The following PMPCB variants were observed in gnomAD, a reference collection of about 807,000 sequenced individuals.
PMPCB encodes mitochondrial-processing peptidase subunit beta.
A neutral mutation model predicts 61.5 loss-of-function variants in PMPCB; 46 were observed. The ratio of observed to expected loss-of-function variants is 0.75; its 90% CI spans 0.59 to 0.96. PMPCB has a LOEUF of 0.96. PMPCB is among the 40% of genes least tolerant of loss of function. The pLI, the probability that PMPCB is intolerant of heterozygous loss-of-function variation, is 0.00. For missense variants in PMPCB, 590 were observed against 602.4 expected (o/e 0.98, Z 0.22); for synonymous variants, 191 against 201.6 (o/e 0.95, Z 0.44).
intron 7 of PMPCB, among the ~76,000 whole-genome samples, chr7:103,308,164 G>C (rs1252026241): frequency 6.6e-6 from 1 of 152,182 alleles, no homozygotes; most frequent in African/African-American, 2.4e-5. Flanking sequence ...GGATCTACTA[G>C]TTATCAACTA....
At position 103,312,782 on chromosome 7, in the gene PMPCB, A is replaced by G. The variant is rs1817822678; in HGVS notation, c.*511A>G. The G allele has an allele frequency of 6.6e-7, 1 of 1,511,232 alleles. No individual in the cohort carries two copies. Among genetic ancestry groups the G allele is most frequent in the Non-Finnish European group, 8.8e-7 (1 of 1,138,364 alleles). The allele number at this position is 1,511,232 out of a possible 1,614,324, so 93.6% of individuals were successfully genotyped here. A position where few individuals can be genotyped will look rare whatever the true frequency, so the allele number is the denominator to read the frequency against. ...GATTTCATTATCTGCCAGGGCCTAG[A>G]AAGTTTCTAAGGTTGCTCATTTCTT... On this transcript the variant is annotated 3_prime_UTR_variant, in exon 13 of 13. Transcript: ENST00000249269.
Position 103,314,636 on chromosome 7 carries a change from C to G in PMPCB, c.*2365C>G. 4.1e-6 allele frequency: 4 copies of G among 985,292 alleles called. No individual in the cohort carries two copies. Among genetic ancestry groups the G allele is most frequent in the Non-Finnish European group, 3.6e-6 (3 of 829,874 alleles). The allele number at this position is 985,292 out of a possible 1,614,324, so 61.0% of individuals were successfully genotyped here. A position where few individuals can be genotyped will look rare whatever the true frequency, so the allele number is the denominator to read the frequency against. On this transcript the variant is annotated 3_prime_UTR_variant, in exon 13 of 13. Transcript: ENST00000249269. ...AAGTGTCTTTCAGGTGTTCTGAAAC[C>G]CTGCCTTGTTACTTACCTTTATTAA...
At chr7:103,319,838 T>C in intron 12 of PMPCB, 1 of 1,614,098 alleles carries the variant, frequency 6.2e-7, no homozygotes, top group Non-Finnish European at 8.5e-7. Flanking sequence ...GAAAAATGAT[T>C]CCAGGTCTAA....
chr7:103,317,969 TAAG>T, downstream of PMPCB, among the ~76,000 whole-genome samples: 1 of 121,894 alleles, frequency 8.2e-6, no homozygotes, highest in African/African-American at 3.1e-5. Flanking sequence ...CTTAAATAAA[TAAG>T]ATTCTTGTAA....
chr7:103,311,619 C>G (rs748053605), intron 9 of PMPCB, 24 bp from the exon 10 acceptor site: 17 of 1,573,968 alleles, frequency 1.1e-5, no homozygotes, highest in Non-Finnish European at 1.5e-5. Context: ...TTTCCAACTA[C>G]TACTGTTTTT....
rs73175839 is a variant in PMPCB, at chr7:103,324,835, A to G, written c.*1432-4096A>G. 8.8e-3 allele frequency: 1,826 copies of G among 208,464 alleles called. 10 individuals are homozygous for G. The highest frequency in any genetic ancestry group is 0.013 in the Non-Finnish European group (1,326 of 105,828). 12.9% of individuals were successfully genotyped at this position (208,464 alleles called of 1,614,324 possible). On this transcript the variant is annotated intron_variant and NMD_transcript_variant, in intron 12 of 12. Transcript: ENST00000444457. ...CAGGTTATCTTCAGTTCTATAAAAT[A>G]CAATGCCATAGCAGCTGCTAGGCAG...
chr7:103,332,467 T>A (rs1170202404), downstream of PMPCB, among the ~76,000 whole-genome samples: 2 of 152,216 alleles, frequency 1.3e-5, no homozygotes, highest in Non-Finnish European at 2.9e-5. Context: ...CAGTTTATGA[T>A]TAACCGATTC....
chr7:103,318,713 A>C (rs1042848936), downstream of PMPCB, among the ~76,000 whole-genome samples: 1 of 152,228 alleles, frequency 6.6e-6, no homozygotes, highest in Non-Finnish European at 1.5e-5. Context: ...TGTAAAATAA[A>C]AGGTATAGAC....
intron 12 of PMPCB, chr7:103,323,573 CATT>C: frequency 2.8e-6 from 4 of 1,434,952 alleles, no homozygotes; most frequent in Non-Finnish European, 3.7e-6. Context: ...AAATACCTTC[CATT>C]ATTAATGATT....
At chr7:103,321,883 A>G (rs773179522) in intron 12 of PMPCB, 12 of 1,555,450 alleles carry the variant, frequency 7.7e-6, no homozygotes, top group Non-Finnish European at 8.7e-6. Context: ...TTTTTGCTTA[A>G]TAAGCAACTT....
the PMPCB span, chr7:103,336,245 A>G: frequency 6.6e-6 from 1 of 152,240 alleles, no homozygotes; most frequent in Non-Finnish European, 1.5e-5. Flanking sequence ...TCTTCTGAGA[A>G]AGAATTCTTT....
chr7:103,314,779 TAAGC>T (rs1202174265), downstream of PMPCB: 23 of 356,492 alleles, frequency 6.5e-5, no homozygotes, highest in South Asian at 5.7e-4. Flanking sequence ...TTTGGGATAA[TAAGC>T]AAGATTAAAG....
chr7:103,316,771 G>A (rs1403867436), downstream of PMPCB: 22 of 1,396,928 alleles, frequency 1.6e-5, no homozygotes, highest in South Asian at 2.0e-4. Context: ...TTTGGAGTCT[G>A]TCTACATTAT....
chr7:103,307,326 C>T (rs1320024941), intron 6 of PMPCB, among the ~76,000 whole-genome samples: 2 of 152,014 alleles, frequency 1.3e-5, no homozygotes, highest in Non-Finnish European at 2.9e-5. Flanking sequence ...TTTTGTAAAA[C>T]GTGGAGTTTT....
intron 7 of PMPCB, 55 bp downstream of exon 7, chr7:103,307,763 TAC>T (rs1405015847): frequency 1.1e-6 from 1 of 926,136 alleles, no homozygotes; most frequent in African/African-American, 1.6e-5. Flanking sequence ...GTGTTGTATT[TAC>T]ACATAAGTAA....
rs1217032407 is a variant in PMPCB, at chr7:103,312,036, C to CA, written c.1330-19dup. The CA allele has an allele frequency of 1.9e-6, 3 of 1,607,974 alleles. No homozygotes were observed. The East Asian group carries it at 6.7e-5, about 36-fold the overall frequency. On this transcript the variant is annotated intron_variant, in intron 11 of 12. Coordinates refer to ENST00000249269, the MANE Select transcript of PMPCB (RefSeq NM_004279.3). ...GTTTTTACTACAAACAGCTGAATGA[C>CA]AGTGTCTTCCATATTTCAGGCTGTG... is the stretch of plus-strand genomic sequence containing the variant.
At chr7:103,299,612 T>C in intron 3 of PMPCB, 83 bp downstream of exon 3, 1 of 742,250 alleles carries the variant, frequency 1.3e-6, no homozygotes, top group Non-Finnish European at 2.3e-6. Context: ...CAGGGAGAGC[T>C]CTTTCAGTAG....
chr7:103,329,105 T>G, exon 13 of PMPCB: 1 of 597,488 alleles, frequency 1.7e-6, no homozygotes, highest in Non-Finnish European at 2.5e-6. Context: ...TTGTTTTTCA[T>G]CCTTTAACTG....
chr7:103,322,837 T>A, intron 12 of PMPCB: 1 of 1,427,068 alleles, frequency 7.0e-7, no homozygotes, highest in Non-Finnish European at 9.7e-7. Context: ...TGCTTATAGA[T>A]GCTATGACTG....
Sources: gnomAD v4.1 joint callset for allele counts (sites outside exome capture counted in the v4.1 genomes callset) on GRCh38, gnomAD v4.1.1 for gene constraint, MANE v1.5 for transcripts, NCBI Gene and HGNC (gene_info 2026-07-23, HGNC 2026-07-21) for gene names.